PRPSAP1: variants seen among roughly 807,000 people sequenced by gnomAD.
PRPSAP1 encodes the protein phosphoribosyl pyrophosphate synthetase associated protein 1, also known as phosphoribosyl pyrophosphate synthase-associated protein 1.
A neutral mutation model predicts 39.4 loss-of-function variants in PRPSAP1; 31 were observed. The observed-to-expected ratio is 0.79, with a 90% CI of 0.59 to 1.06. The LOEUF (loss-of-function observed/expected upper bound fraction) is 1.06, where lower values mean the gene tolerates loss of function less well. Ranked by LOEUF, PRPSAP1 falls within the 50% of genes least tolerant of loss-of-function variation. The pLI, the probability that PRPSAP1 is intolerant of heterozygous loss-of-function variation, is 0.00. For synonymous variants in PRPSAP1, 212 were observed against 192.6 expected (o/e 1.10, Z -0.83); for missense variants, 430 against 511.6 (o/e 0.84, Z 1.54).
intron 7 of PRPSAP1, among the ~76,000 whole-genome samples, chr17:76,325,763 C>A (rs1381799746): frequency 6.6e-6 from 1 of 151,726 alleles, no homozygotes; most frequent in Non-Finnish European, 1.5e-5. Flanking sequence ...CGCCACTACG[C>A]CCGGCTAATT....
chr17:76,339,171 A>G lies in PRPSAP1; in HGVS notation c.290+5500T>C, dbSNP rs1161357272. ...TATAATCTCAGCACTTTGGGAGGCC[A>G]AGGCGGGTGGATCACCTGAGGTCAG... is the stretch of plus-strand genomic sequence containing the variant. On this transcript the variant is annotated intron_variant, in intron 3 of 9. Coordinates refer to ENST00000446526, the MANE Select transcript of PRPSAP1 (RefSeq NM_002766.3). 7.0e-3 allele frequency among the ~76,000 whole-genome samples: 1,056 copies of G among 150,690 alleles called. 22 individuals are homozygous for G. The highest frequency in any genetic ancestry group is 0.025 in the African/African-American group (1,011 of 40,318).
At chr17:76,340,465 T>G (rs1407254649) in intron 3 of PRPSAP1, among the ~76,000 whole-genome samples, 2 of 151,430 alleles carry the variant, frequency 1.3e-5, no homozygotes, top group Middle Eastern at 3.2e-3. Flanking sequence ...CACTCTAGAT[T>G]GCACGTGTTA....
At chr17:76,332,533 T>C in intron 3 of PRPSAP1, 98 bp from the exon 4 acceptor site, 1 of 1,379,650 alleles carries the variant, frequency 7.2e-7, no homozygotes. Context: ...CCCAGATGGG[T>C]GTTGTGGGAA....
At chr17:76,326,737 G>A (rs1395928431) in intron 7 of PRPSAP1, among the ~76,000 whole-genome samples, 1 of 152,198 alleles carries the variant, frequency 6.6e-6, no homozygotes, top group Non-Finnish European at 1.5e-5. Flanking sequence ...TTATTCTTTT[G>A]CTCTAAAGGA....
At chr17:76,335,902 G>A (rs2071373591) in intron 3 of PRPSAP1, among the ~76,000 whole-genome samples, 1 of 152,028 alleles carries the variant, frequency 6.6e-6, no homozygotes, top group African/African-American at 2.4e-5. Context: ...GCTGAGGTGG[G>A]AGGATCCCTC....
intron 7 of PRPSAP1, among the ~76,000 whole-genome samples, chr17:76,322,350 C>T (rs774393034): frequency 2.0e-5 from 3 of 152,090 alleles, no homozygotes; most frequent in Non-Finnish European, 4.4e-5. Context: ...AAGCCGAGAT[C>T]GTGCCATTGC....
At chr17:76,346,023 C>T in intron 2 of PRPSAP1, 2 of 447,668 alleles carry the variant, frequency 4.5e-6, no homozygotes, top group Non-Finnish European at 8.7e-6. Flanking sequence ...AAAAAGCTGA[C>T]ACTGGCGAGG....
chr17:76,319,848 A>G (rs542940628), intron 7 of PRPSAP1, among the ~76,000 whole-genome samples: 3 of 152,326 alleles, frequency 2.0e-5, no homozygotes, highest in East Asian at 3.9e-4. Context: ...AAAGCACAAG[A>G]TGAACACGGG....
At chr17:76,334,010 T>C (rs2071353655) in intron 3 of PRPSAP1, among the ~76,000 whole-genome samples, 1 of 152,234 alleles carries the variant, frequency 6.6e-6, no homozygotes, top group Non-Finnish European at 1.5e-5. Context: ...CGCCTCAGCC[T>C]ATCAAAGCAC....
At chr17:76,322,745 G>A (rs1015563517) in intron 7 of PRPSAP1, among the ~76,000 whole-genome samples, 1 of 151,990 alleles carries the variant, frequency 6.6e-6, no homozygotes, top group African/African-American at 2.4e-5. Context: ...TAGCACTTCG[G>A]GAGGCCAAGA....
At chr17:76,347,496 A>G (rs1231921285) in intron 2 of PRPSAP1, among the ~76,000 whole-genome samples, 2 of 149,816 alleles carry the variant, frequency 1.3e-5, no homozygotes, top group Non-Finnish European at 3.0e-5. Context: ...AAAAAAAAAA[A>G]AAAAAAAAAA....
intron 3 of PRPSAP1, among the ~76,000 whole-genome samples, chr17:76,341,566 T>C (rs2071439265): frequency 6.6e-6 from 1 of 152,188 alleles, no homozygotes; most frequent in Non-Finnish European, 1.5e-5. Context: ...AAGATAACTC[T>C]TTACATGACA....
At chr17:76,340,008 G>A (rs2143525005) in intron 3 of PRPSAP1, among the ~76,000 whole-genome samples, 1 of 151,622 alleles carries the variant, frequency 6.6e-6, no homozygotes, top group South Asian at 2.1e-4. Context: ...GCATGTGCCT[G>A]TAGCCCCAGC....
intron 1 of PRPSAP1, chr17:76,353,333 G>C (rs1389022290): frequency 1.8e-6 from 1 of 555,164 alleles, no homozygotes; most frequent in Admixed American, 4.2e-5. Flanking sequence ...GTCACCGAGA[G>C]TCCGCCCCAA....
chr17:76,326,725 G>A (rs1008438403), intron 7 of PRPSAP1, among the ~76,000 whole-genome samples: 2 of 152,188 alleles, frequency 1.3e-5, no homozygotes, highest in Non-Finnish European at 2.9e-5. Context: ...AAGAAAACAA[G>A]TTTATTCTTT....
At chr17:76,320,798 T>TA (rs1555592911) in intron 7 of PRPSAP1, among the ~76,000 whole-genome samples, 3 of 150,872 alleles carry the variant, frequency 2.0e-5, no homozygotes, top group Non-Finnish European at 4.4e-5. Context: ...TTTTTTTTTT[T>TA]AAAGACAGGG....
At chr17:76,327,643 C>T (rs1165251320) in intron 7 of PRPSAP1, among the ~76,000 whole-genome samples, 1 of 152,106 alleles carries the variant, frequency 6.6e-6, no homozygotes, top group South Asian at 2.1e-4. Flanking sequence ...CAGAGTGAGA[C>T]TCCATCTCAA....
At chr17:76,319,093 C>A (rs892995000) in intron 7 of PRPSAP1, among the ~76,000 whole-genome samples, 1 of 152,044 alleles carries the variant, frequency 6.6e-6, no homozygotes, top group Non-Finnish European at 1.5e-5. Context: ...ATGTGTGCCA[C>A]CAGGCCTGGC....
chr17:76,325,380 G>T (rs1471344147), intron 7 of PRPSAP1, among the ~76,000 whole-genome samples: 2 of 108,224 alleles, frequency 1.8e-5, no homozygotes, highest in African/African-American at 7.2e-5. Flanking sequence ...CTGCACTCCA[G>T]CCTGGGCGAC....
Sources: gnomAD v4.1 joint callset for allele counts (sites outside exome capture counted in the v4.1 genomes callset) on GRCh38, gnomAD v4.1.1 for gene constraint, MANE v1.5 for transcripts, NCBI Gene and HGNC (gene_info 2026-07-23, HGNC 2026-07-21) for gene names.